The following MTOR variants were observed in gnomAD, a reference collection of about 807,000 sequenced individuals.
MTOR encodes serine/threonine-protein kinase mTOR.
MTOR carries 70 observed loss-of-function variants against 319.8 expected under a neutral mutation model. The observed-to-expected ratio is 0.22, with a 90% CI of 0.18 to 0.27. MTOR has a LOEUF of 0.27. MTOR is among the 10% of genes least tolerant of loss of function. The pLI, the probability that MTOR is intolerant of heterozygous loss-of-function variation, is 1.00. For missense variants in MTOR, 1,890 were observed against 3,274.4 expected (o/e 0.58, Z 10.32); for synonymous variants, 1,183 against 1,211.4 (o/e 0.98, Z 0.49).
In MTOR at chr1:11,128,666, A is replaced by T; in HGVS notation, c.5812-114T>A. On this transcript the variant is annotated intron_variant, in intron 41 of 57. Coordinates refer to ENST00000361445, the MANE Select transcript of MTOR (RefSeq NM_004958.4). The surrounding 1 kb of genome is among the most constrained non-coding windows in gnomAD (Gnocchi z 5.3). ...TTCGGTTGATGCTCTGAAATGGTTC[A>T]TTCCCTTCCCTTTAGTTTCTAAAAG... 1 of 1,164,550 alleles carries T rather than the reference A, an allele frequency of 8.6e-7. No individual in the cohort carries two copies. The highest frequency in any genetic ancestry group is 2.1e-5 in the Admixed American group (1 of 48,562). 72.1% of individuals were successfully genotyped at this position (1,164,550 alleles called of 1,614,324 possible).
intron 54 of MTOR, chr1:11,111,574 G>A (rs1641875617): frequency 1.1e-5 from 2 of 179,230 alleles, no homozygotes; most frequent in Non-Finnish European, 2.3e-5. Context: ...TCGCAGCTAC[G>A]GTTCACAGTG....
At chr1:11,259,522 T>G in intron 1 of MTOR, 99 bp from the exon 2 acceptor site, 1 of 1,308,882 alleles carries the variant, frequency 7.6e-7, no homozygotes, top group Non-Finnish European at 1.0e-6. Context: ...CCCTAGCCCT[T>G]GTCAGGCAGG....
At chr1:11,228,494 A>G (rs1051134366) in intron 19 of MTOR, among the ~76,000 whole-genome samples, 174 bp downstream of exon 19, 1 of 152,026 alleles carries the variant, frequency 6.6e-6, no homozygotes, top group African/African-American at 2.4e-5. Context: ...TGGCCCTTTT[A>G]GCCAGGACAC....
At position 11,238,505 on chromosome 1, in the gene MTOR, G is replaced by A; in HGVS notation, c.1899C>T (p.Ser633=). 6.2e-7 allele frequency: 1 copy of A among 1,614,232 alleles called. No individual in the cohort carries two copies. The highest frequency in any genetic ancestry group is 8.5e-7 in the Non-Finnish European group (1 of 1,180,038). The change falls in exon 12 of 58, where the codon TCC becomes TCT. Residue 633 remains serine, a synonymous_variant. Transcript: ENST00000361445. ...ARTCSRLLTP[S]IHLISGHAHV... ...GAGCATGGCCACTGATGAGGTGGAT[G>A]GAGGGTGTGAGCAGGCGGGAGCAGG...
In MTOR at chr1:11,128,931, T is replaced by C; in HGVS notation, c.5735A>G (p.Asp1912Gly). ...DTLRVLTLWF[D>G]YGHWPDVNEA... is the part of the protein sequence containing the mutation. ...ATTGACATCTGGCCAGTGACCATAATCAAACCATAAGGTGAGAACTCTGAA... is the reference window on the plus strand; with the variant it reads ...ATTGACATCTGGCCAGTGACCATAACCAAACCATAAGGTGAGAACTCTGAA... Residue 1912 changes from aspartate (D) to glycine (G), a missense_variant, in exon 41 of 58, where the codon GAT (aspartate) becomes GGT (glycine). Around this residue, in one of 15 missense-constraint regions of MTOR, gnomAD observed 249 missense variants for 596.2 expected, o/e 0.42. Coordinates refer to ENST00000361445, the MANE Select transcript of MTOR (RefSeq NM_004958.4). The surrounding 1 kb of genome is among the most constrained non-coding windows in gnomAD (Gnocchi z 5.3). 6.2e-7 allele frequency: 1 copy of C among 1,613,648 alleles called. No individual in the cohort carries two copies. The highest frequency in any genetic ancestry group is 8.5e-7 in the Non-Finnish European group (1 of 1,179,814).
intron 38 of MTOR, 169 bp from the exon 39 acceptor site, chr1:11,130,946 T>A: frequency 2.4e-6 from 2 of 818,366 alleles, no homozygotes; most frequent in Non-Finnish European, 3.7e-6. Flanking sequence ...AAATTCAACA[T>A]GATCCACTCA....
At chr1:11,155,981 T>A (rs1308730693) in intron 30 of MTOR, among the ~76,000 whole-genome samples, 4 of 152,168 alleles carry the variant, frequency 2.6e-5, no homozygotes, top group Non-Finnish European at 5.9e-5. Flanking sequence ...TAGTCATTTA[T>A]TTTTTATTTA....
In MTOR at chr1:11,111,513, C is replaced by A. The variant is rs540334686; in HGVS notation, c.7366+1339G>T. 66 of 201,364 alleles carry A rather than the reference C, an allele frequency of 3.3e-4. 1 individual carries two copies. In the South Asian group the frequency reaches 4.9e-3, roughly 15 times the overall value. The allele number at this position is 201,364 out of a possible 1,614,324, so 12.5% of individuals were successfully genotyped here. On this transcript the variant is annotated intron_variant, in intron 54 of 57. Transcript: ENST00000361445. The stretch of plus-strand genomic sequence containing the variant: ...AAAAAAAAAAAAGAAAGAAAAATTA[C>A]CCTTTGTCAGGTGAAGTGATGGTTA...
intron 46 of MTOR, 108 bp downstream of exon 46, chr1:11,126,514 A>C (rs1642847064): frequency 8.1e-7 from 1 of 1,239,012 alleles, no homozygotes. Context: ...AGATGTAGCT[A>C]TGATAGGTGA....
intron 19 of MTOR, among the ~76,000 whole-genome samples, chr1:11,224,313 A>C (rs1646761496): frequency 6.6e-6 from 1 of 152,176 alleles, no homozygotes; most frequent in Admixed American, 6.5e-5. Flanking sequence ...ATACGTTTTA[A>C]GGTATTATTA....
Position 11,236,207 on chromosome 1 carries a change from G to A in MTOR, c.2208+1636C>T, listed in dbSNP as rs543070537. On this transcript the variant is annotated intron_variant, in intron 13 of 57. Transcript: ENST00000361445. ...GCTGGAGTGCAGTGGCACAATCACG[G>A]CTCACTGCATCCACAACTTACCAGG... 3.2e-4 allele frequency among the ~76,000 whole-genome samples: 49 copies of A among 150,832 alleles called. No homozygotes were observed. The South Asian group carries it at 8.2e-3, about 25-fold the overall frequency.
intron 4 of MTOR, among the ~76,000 whole-genome samples, chr1:11,256,514 A>C (rs1650423984): frequency 6.6e-6 from 1 of 152,216 alleles, no homozygotes; most frequent in African/African-American, 2.4e-5. Flanking sequence ...GTATGTAGTA[A>C]ATATTTACTG....
chr1:11,235,186 T>C (rs1329050822), intron 13 of MTOR, among the ~76,000 whole-genome samples: 1 of 152,170 alleles, frequency 6.6e-6, no homozygotes, highest in Non-Finnish European at 1.5e-5. Flanking sequence ...CAAGGAAATG[T>C]GCCTCACGGA....
chr1:11,221,991 G>A (rs1253371107), intron 19 of MTOR, among the ~76,000 whole-genome samples: 2 of 151,044 alleles, frequency 1.3e-5, no homozygotes, highest in African/African-American at 4.9e-5. Flanking sequence ...ATACTCCAAA[G>A]AATGAGGGTA....
intron 28 of MTOR, among the ~76,000 whole-genome samples, chr1:11,172,557 C>CAAAAAA (rs767483973): frequency 3.6e-5 from 2 of 56,308 alleles, no homozygotes; most frequent in Non-Finnish European, 8.1e-5. Context: ...GACTCTGTCT[C>CAAAAAA]AAAAAAAAAA....
chr1:11,156,703 T>C (rs1158159966), intron 30 of MTOR, among the ~76,000 whole-genome samples: 1 of 152,172 alleles, frequency 6.6e-6, no homozygotes, highest in East Asian at 1.9e-4. Flanking sequence ...GTGTATTTTG[T>C]TTCCTTGGAG....
At chr1:11,116,576 C>G (rs1227662265) in intron 50 of MTOR, among the ~76,000 whole-genome samples, 1 of 152,150 alleles carries the variant, frequency 6.6e-6, no homozygotes, top group Non-Finnish European at 1.5e-5. Context: ...TCCCAAAGTG[C>G]TGGAATTATA....
At position 11,115,863 on chromosome 1, in the gene MTOR, A is replaced by T. The variant is rs118169681; in HGVS notation, c.7017-395T>A. Among the ~76,000 whole-genome samples the T allele has an allele frequency of 0.011, 1,717 of 152,314 alleles. 68 individuals carry two copies. The highest frequency in any genetic ancestry group is 0.066 in the South Asian group (318 of 4,828). ...TTCTGAGGTCTTTGGTGACCTAATA[A>T]GTCATTTCTGGCAGCACTGGCACCT... On this transcript the variant is annotated intron_variant, in intron 50 of 57. Transcript: ENST00000361445. The surrounding 1 kb of genome is among the most constrained non-coding windows in gnomAD (Gnocchi z 4.5).
chr1:11,235,747 G>C (rs1647192589), intron 13 of MTOR, among the ~76,000 whole-genome samples: 2 of 152,124 alleles, frequency 1.3e-5, no homozygotes, highest in Admixed American at 1.3e-4. Context: ...ACTTTGGGAG[G>C]CCGAAGCGGG....
Sources: allele counts gnomAD v4.1 joint callset (sites outside exome capture counted in the v4.1 genomes callset), GRCh38; gene constraint gnomAD v4.1.1; regional missense constraint gnomAD v4.1.1; non-coding constraint Gnocchi (gnomAD v3.1); transcripts MANE v1.5; gene names NCBI Gene and HGNC (gene_info 2026-07-23, HGNC 2026-07-21).